SLC12A6: variants seen among roughly 807,000 people sequenced by gnomAD.
SLC12A6 encodes the protein solute carrier family 12 member 6.
SLC12A6 carries 66 observed loss-of-function variants against 135.3 expected under a neutral mutation model. The observed-to-expected ratio is 0.49, with a 90% confidence interval of 0.40 to 0.60. SLC12A6 has a LOEUF of 0.60. Ranked by LOEUF, SLC12A6 falls within the 20% of genes least tolerant of loss-of-function variation. The pLI is 0.00. For synonymous variants in SLC12A6, 513 were observed against 508.8 expected, an observed-to-expected ratio of 1.01 and a Z score of -0.11; for missense variants, 1,058 against 1,452.3, an observed-to-expected ratio of 0.73 and a Z score of 4.41.
At position 34,235,188 on chromosome 15, in the gene SLC12A6, A is replaced by G. The variant is rs771810437; in HGVS notation, c.3354T>C (p.Asp1118=). The G allele has an allele frequency of 4.3e-6, 7 of 1,613,904 alleles. No individual in the cohort carries two copies. The East Asian group carries it at 1.3e-4, about 31-fold the overall frequency. Residue 1118 remains aspartate (D), a synonymous_variant, in exon 25 of 26, where the codon GAT becomes GAC. Coordinates refer to ENST00000354181, the MANE Select transcript of SLC12A6 (RefSeq NM_001365088.1). ...MPGPPRNPEG[D]ENYMEFLEVL... ...CACTCTTGGAAAGGATACAGTTTTC[A>G]TCACCCTCAGGGTTTCGGGGTGGCC...
At chr15:34,259,901 G>A (rs895324301) in intron 4 of SLC12A6, among the ~76,000 whole-genome samples, 2 of 152,214 alleles carry the variant, frequency 1.3e-5, no homozygotes, top group African/African-American at 4.8e-5. Flanking sequence ...AGAACTCGTA[G>A]TAATAGAATG....
At chr15:34,252,076 G>C in intron 10 of SLC12A6, 94 bp downstream of exon 10, 2 of 718,154 alleles carry the variant, frequency 2.8e-6, no homozygotes, top group Middle Eastern at 3.4e-4. Context: ...CACCATGGCA[G>C]TGAATCTTTA....
At chr15:34,330,997 G>T (rs1036231121) in intron 2 of SLC12A6, among the ~76,000 whole-genome samples, 2 of 151,786 alleles carry the variant, frequency 1.3e-5, no homozygotes, top group Non-Finnish European at 2.9e-5. Flanking sequence ...AGTGGAGACC[G>T]CACCATTGCA....
At chr15:34,273,873 A>G (rs1894122728) in intron 3 of SLC12A6, among the ~76,000 whole-genome samples, 1 of 152,002 alleles carries the variant, frequency 6.6e-6, no homozygotes, top group Admixed American at 6.6e-5. Context: ...TTTAAGATTA[A>G]TAATACCTGT....
chr15:34,250,334 A>G lies in SLC12A6; in HGVS notation c.1613T>C (p.Phe538Ser). 1 of 1,594,918 alleles carries G rather than the reference A, an allele frequency of 6.3e-7. No homozygotes were observed. Among genetic ancestry groups the G allele is most frequent in the Non-Finnish European group, 8.6e-7 (1 of 1,162,430 alleles). The change falls in exon 13 of 26, where the codon TTT becomes TCT. Residue 538 changes from phenylalanine (F) to serine (S), a missense_variant. Phe to Ser is a radical substitution (Grantham distance 155). Coordinates refer to ENST00000354181, the MANE Select transcript of SLC12A6 (RefSeq NM_001365088.1). The stretch of plus-strand genomic sequence containing the variant: ...AACAACCCCTTCAATACATGCACCA[A>G]AAAGGACAACATTGCTTAAATCTAC... ...SFVYLSNVVL[F>S]GACIEGVVLR...
rs1890996104 is a variant in SLC12A6, at chr15:34,232,196, A to G, written c.*1685T>C. On this transcript the variant is annotated 3_prime_UTR_variant, in exon 26 of 26. Transcript: ENST00000354181. Reference sequence around the variant, plus strand: ...AGATGTTTGATCAGTATATTAGTAAATAAAAAGCTGAGCTTACACAAGTAT... The same window carrying G: ...AGATGTTTGATCAGTATATTAGTAAGTAAAAAGCTGAGCTTACACAAGTAT... 1 of 152,234 alleles carries G rather than the reference A, an allele frequency of 6.6e-6. No homozygotes were observed. Among genetic ancestry groups the G allele is most frequent in the African/African-American group, 2.4e-5 (1 of 41,456 alleles). 9.4% of individuals were successfully genotyped at this position (152,234 alleles called of 1,614,324 possible).
At chr15:34,317,472 A>C (rs1358304116) in intron 2 of SLC12A6, among the ~76,000 whole-genome samples, 2 of 152,138 alleles carry the variant, frequency 1.3e-5, no homozygotes, top group Non-Finnish European at 2.9e-5. Context: ...GGGAGGCAGA[A>C]GCGGGGGATC....
chr15:34,241,312 T>C lies in SLC12A6; in HGVS notation c.2188A>G (p.Ile730Val). The C allele has an allele frequency of 1.2e-6, 2 of 1,603,968 alleles. No individual in the cohort carries two copies. The highest frequency in any genetic ancestry group is 1.7e-6 in the Non-Finnish European group (2 of 1,170,726). The change falls in exon 18 of 26, where the codon ATC (isoleucine) becomes GTC (valine). Residue 730 changes from isoleucine to valine, a missense_variant. Physicochemically the swap from Ile to Val is conservative, Grantham distance 29. Around this residue, in one of 6 missense-constraint regions of SLC12A6, gnomAD observed 170 missense variants for 297.6 expected, o/e 0.57. Transcript: ENST00000354181. ...GCTGCACTGAGGGACAGCCCACGGATACCATCACCCCATTCTTTCTCAGCT... is the reference window on the plus strand; with the variant it reads ...GCTGCACTGAGGGACAGCCCACGGACACCATCACCCCATTCTTTCTCAGCT... Reference protein sequence around the residue: ...QGAEKEWGDGIRGLSLSAARF... With the variant: ...QGAEKEWGDGVRGLSLSAARF...
chr15:34,271,785 A>G (rs1893973735), intron 3 of SLC12A6, among the ~76,000 whole-genome samples: 1 of 152,154 alleles, frequency 6.6e-6, no homozygotes, highest in African/African-American at 2.4e-5. Context: ...TGTTGACAGT[A>G]AAAACATTTA....
intron 2 of SLC12A6, among the ~76,000 whole-genome samples, chr15:34,297,255 A>G (rs2140995768): frequency 6.6e-6 from 1 of 152,294 alleles, no homozygotes; most frequent in East Asian, 1.9e-4. Context: ...TACTCTATTT[A>G]TGGCAAGCAT....
At chr15:34,333,252 CAG>C (rs749917281) in intron 2 of SLC12A6, among the ~76,000 whole-genome samples, 1 of 136,130 alleles carries the variant, frequency 7.3e-6, no homozygotes, top group East Asian at 2.1e-4. Context: ...TTTTTTGAGA[CAG>C]AGTCTCGCTC....
chr15:34,279,106 G>A (rs1233598863), intron 2 of SLC12A6, among the ~76,000 whole-genome samples: 1 of 151,650 alleles, frequency 6.6e-6, no homozygotes, highest in Non-Finnish European at 1.5e-5. Flanking sequence ...CATGAGGTCA[G>A]GCGTTCAGGA....
chr15:34,245,307 G>A lies in SLC12A6; in HGVS notation c.1921C>T (p.Leu641Phe). The A allele has an allele frequency of 6.3e-7, 1 of 1,597,774 alleles. No homozygotes were observed. Among genetic ancestry groups the A allele is most frequent in the Admixed American group, 1.7e-5 (1 of 60,010 alleles). Residue 641 changes from leucine to phenylalanine, a missense_variant, in exon 15 of 26, where the codon CTT becomes TTT. Coordinates refer to ENST00000354181, the MANE Select transcript of SLC12A6 (RefSeq NM_001365088.1). Reference protein sequence around the residue: ...ELGILIASLDLVAPILSMFFL... With the variant: ...ELGILIASLDFVAPILSMFFL... ...TACATGGAAAGAATTGGGGCCACAAGATCCAGGGAGGCAATGAGTATTCCA... is the reference window on the plus strand; with the variant it reads ...TACATGGAAAGAATTGGGGCCACAAAATCCAGGGAGGCAATGAGTATTCCA...
intron 2 of SLC12A6, among the ~76,000 whole-genome samples, chr15:34,336,015 G>C (rs1450464336): frequency 6.6e-6 from 1 of 152,198 alleles, no homozygotes; most frequent in Non-Finnish European, 1.5e-5. Flanking sequence ...CAGTCTTAAA[G>C]CAGACTGAAA....
At chr15:34,247,473 C>T (rs555024648) in intron 13 of SLC12A6, among the ~76,000 whole-genome samples, 48 of 151,762 alleles carry the variant, frequency 3.2e-4, no homozygotes, top group African/African-American at 1.0e-3. Context: ...GCCGAGACTG[C>T]GCCACTGCAC....
At chr15:34,312,486 T>G (rs758019785) in intron 2 of SLC12A6, among the ~76,000 whole-genome samples, 1 of 152,138 alleles carries the variant, frequency 6.6e-6, no homozygotes, top group Non-Finnish European at 1.5e-5. Context: ...GGGGAGAGAA[T>G]CAAGTAAACA....
At chr15:34,269,368 T>C (rs1893752518) in intron 3 of SLC12A6, among the ~76,000 whole-genome samples, 1 of 152,172 alleles carries the variant, frequency 6.6e-6, no homozygotes, top group African/African-American at 2.4e-5. Context: ...CACTTTACTG[T>C]TGTGATGTTA....
intron 2 of SLC12A6, among the ~76,000 whole-genome samples, chr15:34,285,147 C>A (rs1566839088): frequency 6.6e-6 from 1 of 152,174 alleles, no homozygotes; most frequent in African/African-American, 2.4e-5. Flanking sequence ...TCTGTTTTAA[C>A]ATGATCACAA....
chr15:34,327,922 T>C (rs766553632), intron 2 of SLC12A6, among the ~76,000 whole-genome samples: 3 of 152,180 alleles, frequency 2.0e-5, no homozygotes, highest in South Asian at 2.1e-4. Context: ...ATTAAAGTTA[T>C]TTACCAAATG....
Sources: allele counts gnomAD v4.1 joint callset (sites outside exome capture counted in the v4.1 genomes callset), GRCh38; gene constraint gnomAD v4.1.1; regional missense constraint gnomAD v4.1.1; transcripts MANE v1.5; gene names NCBI Gene and HGNC (gene_info 2026-07-23, HGNC 2026-07-21).